The following RELN variants were observed in gnomAD, a reference collection of about 807,000 sequenced individuals.
The protein encoded by RELN is reelin.
Under a neutral mutation model 427.6 loss-of-function variants are expected in RELN, and 108 were observed. The observed-to-expected ratio is 0.25, with a 90% CI of 0.22 to 0.30. RELN has a LOEUF of 0.30. Ranked by LOEUF, RELN falls within the 10% of genes least tolerant of loss-of-function variation. RELN has a pLI of 1.00. For missense variants in RELN, 3,715 were observed against 4,302.8 expected, an observed-to-expected ratio of 0.86 and a Z score of 3.82; for synonymous variants, 1,524 against 1,513.4, an observed-to-expected ratio of 1.01 and a Z score of -0.16.
intron 8 of RELN, among the ~76,000 whole-genome samples, chr7:103,709,849 A>G (rs562092847): frequency 6.2e-4 from 95 of 152,358 alleles, no homozygotes; most frequent in African/African-American, 2.2e-3. Context: ...ATTGAGAATC[A>G]GAACAGTAGC....
At chr7:103,503,550 G>A (rs1046715709) in intron 51 of RELN, among the ~76,000 whole-genome samples, 2 of 152,188 alleles carry the variant, frequency 1.3e-5, no homozygotes, top group African/African-American at 4.8e-5. Flanking sequence ...CTAATGGTCT[G>A]GCATTTCTAT....
At chr7:103,841,237 A>C (rs1793544508) in intron 2 of RELN, among the ~76,000 whole-genome samples, 1 of 152,204 alleles carries the variant, frequency 6.6e-6, no homozygotes, top group Non-Finnish European at 1.5e-5. Context: ...TTGTGTACAA[A>C]CATCTTAAAA....
intron 17 of RELN, among the ~76,000 whole-genome samples, chr7:103,639,762 G>A (rs1485033239): frequency 1.3e-5 from 2 of 152,012 alleles, no homozygotes; most frequent in Admixed American, 6.6e-5. Flanking sequence ...TAACTAATTA[G>A]CTAATTGATT....
At chr7:103,565,834 C>T (rs1447770703) in intron 33 of RELN, among the ~76,000 whole-genome samples, 2 of 152,090 alleles carry the variant, frequency 1.3e-5, no homozygotes, top group African/African-American at 4.8e-5. Flanking sequence ...TATTGGGTTA[C>T]ATGTGATATT....
chr7:103,868,990 C>T (rs573408326), intron 2 of RELN, among the ~76,000 whole-genome samples: 2 of 152,044 alleles, frequency 1.3e-5, no homozygotes, highest in East Asian at 3.9e-4. Context: ...GTTTTTATAT[C>T]CAGTTTGAAA....
chr7:103,520,954 G>GTTTTTTTTTTTTTTT (rs1462369530), intron 48 of RELN, among the ~76,000 whole-genome samples: 3 of 78,198 alleles, frequency 3.8e-5, no homozygotes, highest in African/African-American at 1.0e-4. Flanking sequence ...CAGTAAATTT[G>GTTTTTTTTTTTTTTT]TTATTTTTTT....
In RELN at chr7:103,566,629, C is replaced by T. The variant is rs370566453; in HGVS notation, c.4719G>A (p.Thr1573=). The T allele has an allele frequency of 3.4e-5, 55 of 1,614,044 alleles. 1 individual carries two copies. The highest frequency in any genetic ancestry group is 1.3e-4 in the South Asian group (12 of 91,082). The change falls in exon 32 of 65, where the codon ACG becomes ACA. Residue 1573 remains threonine, a synonymous_variant. Transcript: ENST00000428762. The part of the protein sequence containing the change: ...DLPQDAKTPA[T]AFRWWQPQHG... Reference sequence around the variant, plus strand: ...GTTGCGGTTGCCACCATCGAAATGCCGTTGCAGGTGTCTTCGCGTCCTGTG... The same window carrying T: ...GTTGCGGTTGCCACCATCGAAATGCTGTTGCAGGTGTCTTCGCGTCCTGTG...
chr7:103,909,641 AAT>A (rs1487603999), intron 2 of RELN, among the ~76,000 whole-genome samples: 1 of 121,128 alleles, frequency 8.3e-6, no homozygotes, highest in East Asian at 2.1e-4. Context: ...ATATTTAATA[AAT>A]ATATATATTT....
chr7:103,963,571 G>T (rs886536261), intron 1 of RELN, among the ~76,000 whole-genome samples: 2 of 152,156 alleles, frequency 1.3e-5, no homozygotes, highest in African/African-American at 4.8e-5. Context: ...GGGTGACAAA[G>T]AAGCTTTTAA....
intron 46 of RELN, among the ~76,000 whole-genome samples, chr7:103,527,866 C>G (rs11971447): frequency 0.15 from 22,359 of 152,122 alleles, 3,765 homozygotes; most frequent in African/African-American, 0.41. Flanking sequence ...TCAATGAGAA[C>G]CACAATGAGA....
chr7:103,637,037 C>T (rs2117353268), intron 17 of RELN, among the ~76,000 whole-genome samples: 1 of 152,280 alleles, frequency 6.6e-6, no homozygotes, highest in South Asian at 2.1e-4. Context: ...TCAGTGGACT[C>T]TCCCAAATTA....
intron 2 of RELN, among the ~76,000 whole-genome samples, chr7:103,852,053 T>C (rs1286221970): frequency 1.3e-5 from 2 of 152,186 alleles, no homozygotes. Flanking sequence ...GGGAGTTAAT[T>C]TGTTACCACA....
At chr7:103,772,706 G>A (rs1020682737) in intron 4 of RELN, among the ~76,000 whole-genome samples, 4 of 152,188 alleles carry the variant, frequency 2.6e-5, no homozygotes, top group African/African-American at 7.2e-5. Flanking sequence ...AACTTGGAGA[G>A]TATAGGGTGC....
chr7:103,532,284 G>T (rs1338264276), intron 46 of RELN, among the ~76,000 whole-genome samples: 3 of 152,120 alleles, frequency 2.0e-5, no homozygotes, highest in Admixed American at 6.5e-5. Flanking sequence ...ACACACTGGG[G>T]CTTGTTGGAA....
chr7:103,483,653 A>G lies in RELN; in HGVS notation c.10181T>C (p.Leu3394Pro). The G allele has an allele frequency of 1.2e-6, 2 of 1,614,102 alleles. No individual in the cohort carries two copies. Among genetic ancestry groups the G allele is most frequent in the Non-Finnish European group, 1.7e-6 (2 of 1,179,996 alleles). The change falls in exon 62 of 65, where the codon CTG becomes CCG. Residue 3394 changes from leucine (L) to proline (P), a missense_variant and splice_region_variant. Physicochemically the swap from Leu to Pro is moderately conservative, Grantham distance 98. Around this residue, in one of 4 missense-constraint regions of RELN, gnomAD observed 195 missense variants for 281.3 expected, o/e 0.69. Transcript: ENST00000428762. ...ATGCCTTTCCATTTGGGCCACTTAC[A>G]GGGGGACATTGTAAGACACTCTCTG... ...QAQRVSYNVP[L>P]EARMKGVLLR... is the part of the protein sequence containing the mutation.
At chr7:103,983,442 C>A (rs116809067) in intron 1 of RELN, among the ~76,000 whole-genome samples, 1 of 152,130 alleles carries the variant, frequency 6.6e-6, no homozygotes, top group Non-Finnish European at 1.5e-5. Flanking sequence ...TCATTTCATG[C>A]GGAATGTCCT....
rs1407822645 is a variant in RELN at position 103,989,634 on chromosome 7, C to T, written c.-278G>A. The T allele has an allele frequency of 8.8e-6, 3 of 340,214 alleles. No homozygotes were observed. The highest frequency in any genetic ancestry group is 1.5e-5 in the Non-Finnish European group (3 of 194,376). The allele number at this position is 340,214 out of a possible 1,614,324, so 21.1% of individuals were successfully genotyped here. The stretch of plus-strand genomic sequence containing the variant: ...CCTCCGTGCGCCGCCGCCGCCTCTG[C>T]GCGACGCCCCTCGGCCAGGCCTGGG... On this transcript the variant is annotated 5_prime_UTR_variant, in exon 1 of 65. Coordinates refer to ENST00000428762, the MANE Select transcript of RELN (RefSeq NM_005045.4). The surrounding 1 kb of genome is among the most constrained non-coding windows in gnomAD (Gnocchi z 4.9).
intron 13 of RELN, among the ~76,000 whole-genome samples, chr7:103,653,296 A>G (rs1008020941): frequency 2.0e-5 from 3 of 152,084 alleles, no homozygotes; most frequent in Non-Finnish European, 4.4e-5. Flanking sequence ...TGCTGGAAAT[A>G]TCGTCTTTTA....
chr7:103,989,412 T>C lies in RELN; in HGVS notation c.-56A>G. The C allele has an allele frequency of 7.4e-7, 1 of 1,356,796 alleles. No homozygotes were observed. The highest frequency in any genetic ancestry group is 9.4e-7 in the Non-Finnish European group (1 of 1,059,402). The allele number at this position is 1,356,796 out of a possible 1,614,324, so 84.0% of individuals were successfully genotyped here. Reference sequence around the variant, plus strand: ...CCTACGCGCCGCTCGCTCATTCAGTTTTGGAGACGCCGGGACGGAGGAGCC... The same window carrying C: ...CCTACGCGCCGCTCGCTCATTCAGTCTTGGAGACGCCGGGACGGAGGAGCC... On this transcript the variant is annotated 5_prime_UTR_variant, in exon 1 of 65. Transcript: ENST00000428762. The surrounding 1 kb of genome is among the most constrained non-coding windows in gnomAD (Gnocchi z 4.9).
Sources: gnomAD v4.1 joint callset for allele counts (sites outside exome capture counted in the v4.1 genomes callset) on GRCh38, gnomAD v4.1.1 for gene constraint, gnomAD v4.1.1 regional missense constraint, Gnocchi (gnomAD v3.1) non-coding constraint, MANE v1.5 for transcripts, NCBI Gene and HGNC (gene_info 2026-07-23, HGNC 2026-07-21) for gene names.